Variants in GRXCR2 observed in about 807,000 individuals in gnomAD.
GRXCR2 encodes the protein glutaredoxin domain-containing cysteine-rich protein 2.
GRXCR2 carries 23 observed loss-of-function variants against 24.8 expected under a neutral mutation model. The ratio of observed to expected loss-of-function variants is 0.93; its 90% CI spans 0.67 to 1.32. The LOEUF is 1.32. GRXCR2 is among the 40% of genes most tolerant of loss of function. The pLI is 0.00. For synonymous variants in GRXCR2, 130 were observed against 116.1 expected, an observed-to-expected ratio of 1.12 and a Z score of -0.77; for missense variants, 315 against 303.4, an observed-to-expected ratio of 1.04 and a Z score of -0.28.
At position 145,927,223 on chromosome 5, in the gene GRXCR2, C is replaced by T. The variant is rs577267930; in HGVS notation, c.-70+8478G>A. ...TTCCTAATTGAATACCCTTTATTTC[C>T]TTCTCCTGCCTAATTGCCCTGGCGA... On this transcript the variant is annotated intron_variant, in intron 2 of 3. Coordinates refer to the GRXCR2 transcript ENST00000639411. Among the ~76,000 whole-genome samples, 13 of 152,200 alleles carry T rather than the reference C, an allele frequency of 8.5e-5. No individual in the cohort carries two copies. In the South Asian group the frequency reaches 2.1e-3, roughly 24 times the overall value.
At chr5:145,903,557 A>T (rs1426957123) in intron 2 of GRXCR2, among the ~76,000 whole-genome samples, 1 of 151,808 alleles carries the variant, frequency 6.6e-6, no homozygotes, top group African/African-American at 2.4e-5. Flanking sequence ...TCAGATCCCA[A>T]CTTAGTTCAT....
chr5:145,860,795 AAT>A (rs1472453140), intron 2 of GRXCR2, among the ~76,000 whole-genome samples: 1 of 152,142 alleles, frequency 6.6e-6, no homozygotes, highest in Admixed American at 6.5e-5. Context: ...TATAGAATTG[AAT>A]AATAATGCTT....
At chr5:145,892,594 A>G (rs552838334) in intron 2 of GRXCR2, among the ~76,000 whole-genome samples, 1 of 152,336 alleles carries the variant, frequency 6.6e-6, no homozygotes, top group Non-Finnish European at 1.5e-5. Flanking sequence ...AAAGAATAAA[A>G]AGAAATGAAC....
At chr5:145,864,564 G>A (rs1251910519) in intron 2 of GRXCR2, among the ~76,000 whole-genome samples, 4 of 152,074 alleles carry the variant, frequency 2.6e-5, no homozygotes, top group South Asian at 2.1e-4. Flanking sequence ...TGCTGTTCTC[G>A]TGATAAGTGA....
At chr5:145,931,480 T>TAAA (rs1757476654) in intron 2 of GRXCR2, among the ~76,000 whole-genome samples, 1 of 152,210 alleles carries the variant, frequency 6.6e-6, no homozygotes, top group Admixed American at 6.5e-5. Flanking sequence ...TGAGAATATT[T>TAAA]TAAAGTACAC....
chr5:145,857,805 G>T (rs372220775), downstream of GRXCR2, among the ~76,000 whole-genome samples: 1 of 152,120 alleles, frequency 6.6e-6, no homozygotes. Context: ...CCTTCTGCAT[G>T]CTCCAAATGC....
chr5:145,928,172 T>A (rs1212258761), intron 2 of GRXCR2, among the ~76,000 whole-genome samples: 2 of 151,748 alleles, frequency 1.3e-5, no homozygotes, highest in Non-Finnish European at 2.9e-5. Flanking sequence ...TCACTGGCCA[T>A]CAGAGAAATG....
intron 2 of GRXCR2, among the ~76,000 whole-genome samples, chr5:145,860,313 T>C (rs1756313899): frequency 6.6e-6 from 1 of 152,190 alleles, no homozygotes; most frequent in Non-Finnish European, 1.5e-5. Flanking sequence ...GTGCTTCCTA[T>C]ATATCATCCA....
upstream of GRXCR2, among the ~76,000 whole-genome samples, chr5:145,877,690 G>T (rs1756639302): frequency 6.6e-6 from 1 of 152,216 alleles, no homozygotes; most frequent in South Asian, 2.1e-4. Context: ...GAGGTACCTG[G>T]TTCATCTCAT....
chr5:145,873,021 T>C (rs1581334327), upstream of GRXCR2: 1 of 1,469,718 alleles, frequency 6.8e-7, no homozygotes, highest in Non-Finnish European at 9.4e-7. Context: ...CGGTGAAACT[T>C]GGGCCTCTGA....
chr5:145,910,543 A>G (rs1417389500), intron 2 of GRXCR2, among the ~76,000 whole-genome samples: 2 of 152,202 alleles, frequency 1.3e-5, no homozygotes, highest in African/African-American at 4.8e-5. Flanking sequence ...TATACTTATA[A>G]TAGTATAAGT....
chr5:145,923,687 T>A (rs940581273), intron 2 of GRXCR2, among the ~76,000 whole-genome samples: 4 of 152,206 alleles, frequency 2.6e-5, no homozygotes, highest in Admixed American at 2.6e-4. Context: ...AGTTTCTGTA[T>A]CACTGGTATG....
intron 2 of GRXCR2, among the ~76,000 whole-genome samples, chr5:145,923,908 C>G (rs1320994908): frequency 6.6e-6 from 1 of 152,026 alleles, no homozygotes; most frequent in Admixed American, 6.6e-5. Context: ...CAGTGAATGT[C>G]CTTGTATATA....
rs746002703 is a variant in GRXCR2 at position 145,872,780 on chromosome 5, A to G, written c.189T>C (p.Gly63=). Residue 63 remains glycine, a synonymous_variant, in exon 1 of 3, where the codon GGT becomes GGC. Transcript: ENST00000377976. ...FLQESLETMD[G]VYGSGEVPRP... Reference sequence around the variant, plus strand: ...TGGGGACTTCCCCAGACCCATAAACACCATCCATTGTTTCAAGAGACTCTT... The same window carrying G: ...TGGGGACTTCCCCAGACCCATAAACGCCATCCATTGTTTCAAGAGACTCTT... 1.9e-6 allele frequency: 3 copies of G among 1,613,976 alleles called. No individual in the cohort carries two copies. The highest frequency in any genetic ancestry group is 1.7e-6 in the Non-Finnish European group (2 of 1,179,988).
In GRXCR2 at chr5:145,859,297, A is replaced by C. The variant is rs1047794377; in HGVS notation, c.*436T>G. The C allele has an allele frequency of 4.9e-5, 8 of 162,494 alleles. No homozygotes were observed. Among genetic ancestry groups the C allele is most frequent in the Non-Finnish European group, 1.1e-4 (8 of 73,840 alleles). 10.1% of individuals were successfully genotyped at this position (162,494 alleles called of 1,614,324 possible). A position where few individuals can be genotyped will look rare whatever the true frequency, so the allele number is the denominator to read the frequency against. On this transcript the variant is annotated 3_prime_UTR_variant, in exon 3 of 3. Coordinates refer to ENST00000377976, the MANE Select transcript of GRXCR2 (RefSeq NM_001080516.2). ...CTTAATCAGAAATTCAGTTTGACTA[A>C]TAATCACATGAGATGCATTATAAGC...
At chr5:145,926,449 T>C (rs1757395718) in intron 2 of GRXCR2, among the ~76,000 whole-genome samples, 1 of 152,224 alleles carries the variant, frequency 6.6e-6, no homozygotes, top group South Asian at 2.1e-4. Context: ...TACATATGGC[T>C]AGCCAGTTTT....
chr5:145,874,883 A>G (rs1561679222), upstream of GRXCR2, among the ~76,000 whole-genome samples: 1 of 152,032 alleles, frequency 6.6e-6, no homozygotes. Flanking sequence ...CAAACCCACA[A>G]GTTTCTGTCT....
chr5:145,925,419 T>A (rs138144827), intron 2 of GRXCR2, among the ~76,000 whole-genome samples: 202 of 152,316 alleles, frequency 1.3e-3, no homozygotes, highest in African/African-American at 4.7e-3. Context: ...AAGTACTTGT[T>A]ACTGATTGCA....
intron 2 of GRXCR2, among the ~76,000 whole-genome samples, chr5:145,879,948 G>A (rs560448427): frequency 2.0e-5 from 3 of 152,246 alleles, no homozygotes; most frequent in Admixed American, 6.5e-5. Context: ...CAACTACTGG[G>A]TAAATAACGA....
Sources: allele counts gnomAD v4.1 joint callset (sites outside exome capture counted in the v4.1 genomes callset), GRCh38; gene constraint gnomAD v4.1.1; transcripts MANE v1.5; gene names NCBI Gene and HGNC (gene_info 2026-07-23, HGNC 2026-07-21).